The following FSTL4 variants were observed in gnomAD, a reference collection of about 807,000 sequenced individuals.
FSTL4 encodes the protein follistatin-related protein 4.
FSTL4 carries 28 observed loss-of-function variants against 78.2 expected under a neutral mutation model. The ratio of observed to expected loss-of-function variants is 0.36; its 90% CI spans 0.27 to 0.49. The LOEUF (loss-of-function observed/expected upper bound fraction) is 0.49, where lower values mean the gene tolerates loss of function less well. Among genes scored for constraint, FSTL4 ranks in the 20% least tolerant of loss-of-function variants. The pLI is 0.98. For synonymous variants in FSTL4, 422 were observed against 440.5 expected (o/e 0.96, Z 0.53); for missense variants, 922 against 1,084.9 (o/e 0.85, Z 2.11).
chr5:133,434,358 A>G (rs925769086), intron 3 of FSTL4, among the ~76,000 whole-genome samples: 5 of 152,232 alleles, frequency 3.3e-5, no homozygotes, highest in African/African-American at 1.2e-4. Flanking sequence ...ACATAAATAT[A>G]CATATGTACT....
At chr5:133,781,399 G>A in the FSTL4 span, among the ~76,000 whole-genome samples, 2 of 146,212 alleles carry the variant, frequency 1.4e-5, no homozygotes, top group Non-Finnish European at 3.0e-5. Context: ...GTGTGTGTGT[G>A]TGTGTGTGTG....
chr5:133,772,448 T>A, the FSTL4 span, among the ~76,000 whole-genome samples: 4 of 152,228 alleles, frequency 2.6e-5, no homozygotes, highest in African/African-American at 9.6e-5. Context: ...AATTTCAATC[T>A]GCATTTTAAT....
intron 3 of FSTL4, among the ~76,000 whole-genome samples, chr5:133,448,138 C>G (rs890386089): frequency 3.9e-5 from 6 of 152,246 alleles, no homozygotes; most frequent in African/African-American, 1.4e-4. Flanking sequence ...AAACAGTGAT[C>G]ATAAAGTAGG....
intron 3 of FSTL4, among the ~76,000 whole-genome samples, chr5:133,438,849 G>C (rs561394449): frequency 6.6e-6 from 1 of 152,310 alleles, no homozygotes; most frequent in Non-Finnish European, 1.5e-5. Context: ...GAGGTATCTG[G>C]CTGCAGGCTA....
chr5:133,214,949 C>T (rs1750860482), intron 13 of FSTL4, among the ~76,000 whole-genome samples: 1 of 152,178 alleles, frequency 6.6e-6, no homozygotes, highest in Admixed American at 6.5e-5. Context: ...TACAGCAAAA[C>T]CCTTCCATAT....
intron 14 of FSTL4, among the ~76,000 whole-genome samples, chr5:133,207,445 G>T (rs1750555357): frequency 6.6e-6 from 1 of 151,992 alleles, no homozygotes; most frequent in African/African-American, 2.4e-5. Context: ...GTGTTTCTTG[G>T]AAAAAAGTTA....
chr5:133,691,876 T>C, the FSTL4 span, among the ~76,000 whole-genome samples: 1 of 152,216 alleles, frequency 6.6e-6, no homozygotes, highest in Non-Finnish European at 1.5e-5. Flanking sequence ...CACAGCCACC[T>C]GGAGCTGTAT....
At chr5:133,565,385 C>T (rs949571405) in intron 3 of FSTL4, among the ~76,000 whole-genome samples, 3 of 152,170 alleles carry the variant, frequency 2.0e-5, no homozygotes, top group Non-Finnish European at 4.4e-5. Flanking sequence ...CCGGCAAGGT[C>T]CCACTCCTTT....
chr5:133,207,106 C>A, intron 14 of FSTL4, among the ~76,000 whole-genome samples: 1 of 152,130 alleles, frequency 6.6e-6, no homozygotes. Context: ...TATATGGAGA[C>A]ATACTAAAAA....
the FSTL4 span, among the ~76,000 whole-genome samples, chr5:133,786,299 G>A: frequency 1.4e-4 from 21 of 152,144 alleles, no homozygotes; most frequent in South Asian, 2.1e-4. Context: ...CTATTTTAAC[G>A]GCCGCAGTTA....
intron 3 of FSTL4, among the ~76,000 whole-genome samples, chr5:133,560,868 C>T (rs1050061559): frequency 1.3e-5 from 2 of 151,078 alleles, no homozygotes; most frequent in Admixed American, 6.6e-5. Context: ...GGGCAGATCA[C>T]GAGGTCAGGA....
At chr5:133,543,572 T>G (rs995392024) in intron 3 of FSTL4, among the ~76,000 whole-genome samples, 3 of 152,224 alleles carry the variant, frequency 2.0e-5, no homozygotes, top group African/African-American at 7.2e-5. Flanking sequence ...TTTATGCCTC[T>G]ATTATATTGT....
chr5:133,755,627 T>C, the FSTL4 span, among the ~76,000 whole-genome samples: 9 of 152,170 alleles, frequency 5.9e-5, no homozygotes, highest in Non-Finnish European at 1.2e-4. Flanking sequence ...GGGCTTCTAC[T>C]TGCATCTTCA....
chr5:133,545,149 G>A (rs938680663), intron 3 of FSTL4, among the ~76,000 whole-genome samples: 1 of 152,188 alleles, frequency 6.6e-6, no homozygotes, highest in Non-Finnish European at 1.5e-5. Flanking sequence ...CATGTGAGTA[G>A]AGGGTTAGGT....
intron 4 of FSTL4, among the ~76,000 whole-genome samples, chr5:133,324,100 A>G (rs532586836): frequency 1.3e-5 from 2 of 152,330 alleles, no homozygotes; most frequent in South Asian, 2.1e-4. Flanking sequence ...AACACTTTCT[A>G]TTGCAAAACA....
intron 6 of FSTL4, among the ~76,000 whole-genome samples, chr5:133,251,658 C>T (rs763457455): frequency 7.9e-5 from 12 of 152,148 alleles, no homozygotes; most frequent in Admixed American, 2.0e-4. Flanking sequence ...CATTTCCAGG[C>T]TGATGTCATT....
chr5:133,795,647 C>T, the FSTL4 span, among the ~76,000 whole-genome samples: 1 of 152,150 alleles, frequency 6.6e-6, no homozygotes, highest in Non-Finnish European at 1.5e-5. Flanking sequence ...TTCAGTTGGC[C>T]GTAGGCAGCA....
At chr5:133,448,023 T>C (rs1757302379) in intron 3 of FSTL4, among the ~76,000 whole-genome samples, 1 of 152,240 alleles carries the variant, frequency 6.6e-6, no homozygotes, top group African/African-American at 2.4e-5. Context: ...TTTGTTTGCA[T>C]GTGTGAGTAC....
At chr5:133,378,365 G>A (rs1173712574) in intron 4 of FSTL4, among the ~76,000 whole-genome samples, 1 of 152,148 alleles carries the variant, frequency 6.6e-6, no homozygotes, top group Non-Finnish European at 1.5e-5. Context: ...GAAAATAATA[G>A]CACAAAGGAT....
Sources: gnomAD v4.1 joint callset for allele counts (sites outside exome capture counted in the v4.1 genomes callset) on GRCh38, gnomAD v4.1.1 for gene constraint, MANE v1.5 for transcripts, NCBI Gene and HGNC (gene_info 2026-07-23, HGNC 2026-07-21) for gene names.